NMNAT2: variants seen among roughly 807,000 people sequenced by gnomAD.
NMNAT2 encodes nicotinamide nucleotide adenylyltransferase 2.
A neutral mutation model predicts 41.6 loss-of-function variants in NMNAT2; 11 were observed. That is an observed-to-expected ratio of 0.26 (90% CI 0.17 to 0.44). The LOEUF is 0.44. NMNAT2 is among the 20% of genes least tolerant of loss of function. NMNAT2 has a pLI of 1.00. For synonymous variants in NMNAT2, 148 were observed against 151.2 expected, an observed-to-expected ratio of 0.98 and a Z score of 0.16; for missense variants, 288 against 407.7, an observed-to-expected ratio of 0.71 and a Z score of 2.53.
In NMNAT2 at chr1:183,390,433, C is replaced by T. The variant is rs946695715; in HGVS notation, c.85+27750G>A. ...TTGTCTTCATCAGCACTTTGTTTAACGCCGGGTATGCTATCACCACACATT... is the reference window on the plus strand; with the variant it reads ...TTGTCTTCATCAGCACTTTGTTTAATGCCGGGTATGCTATCACCACACATT... On this transcript the variant is annotated intron_variant, in intron 1 of 10. Coordinates refer to ENST00000287713, the MANE Select transcript of NMNAT2 (RefSeq NM_015039.4). Among the ~76,000 whole-genome samples, 6 of 152,258 alleles carry T rather than the reference C, an allele frequency of 3.9e-5. No homozygotes were observed. The East Asian group carries it at 5.8e-4, about 15-fold the overall frequency.
rs573726616 is a variant in NMNAT2, at chr1:183,317,997, A to T, written c.86-24204T>A. Among the ~76,000 whole-genome samples, 8 of 152,332 alleles carry T rather than the reference A, an allele frequency of 5.3e-5. No individual in the cohort carries two copies. The South Asian group carries it at 1.7e-3, about 32-fold the overall frequency. Reference sequence around the variant, plus strand: ...GACAAACACAATACAGTGTTAAAGGAGCTGTAATAGCCAAAACGTCTGAGT... The same window carrying T: ...GACAAACACAATACAGTGTTAAAGGTGCTGTAATAGCCAAAACGTCTGAGT... On this transcript the variant is annotated intron_variant, in intron 1 of 10. Transcript: ENST00000287713.
At chr1:183,259,911 G>A (rs1660615771) in intron 10 of NMNAT2, among the ~76,000 whole-genome samples, 1 of 152,122 alleles carries the variant, frequency 6.6e-6, no homozygotes, top group South Asian at 2.1e-4. Context: ...TCCACACCTA[G>A]AATTTTAACT....
At chr1:183,291,679 C>G (rs1028410226) in intron 3 of NMNAT2, among the ~76,000 whole-genome samples, 4 of 152,158 alleles carry the variant, frequency 2.6e-5, no homozygotes, top group Admixed American at 6.5e-5. Context: ...TCACTGGACC[C>G]TTATTCAAGG....
intron 1 of NMNAT2, among the ~76,000 whole-genome samples, chr1:183,321,529 G>A (rs1662355973): frequency 6.6e-6 from 1 of 152,042 alleles, no homozygotes; most frequent in Admixed American, 6.5e-5. Flanking sequence ...TCTACTTGAG[G>A]TCAGGAGTTC....
At chr1:183,304,977 T>A in intron 1 of NMNAT2, 1 of 856,834 alleles carries the variant, frequency 1.2e-6, no homozygotes, top group Admixed American at 3.4e-5. Flanking sequence ...CTCCCGCTTG[T>A]AGGAGCCACT....
intron 1 of NMNAT2, among the ~76,000 whole-genome samples, chr1:183,367,768 T>C (rs528272223): frequency 6.6e-6 from 1 of 152,288 alleles, no homozygotes; most frequent in Admixed American, 6.5e-5. Context: ...GCTGTGTACA[T>C]TGAAAATATA....
chr1:183,324,168 A>G (rs1662412045), intron 1 of NMNAT2, among the ~76,000 whole-genome samples: 1 of 152,218 alleles, frequency 6.6e-6, no homozygotes, highest in African/African-American at 2.4e-5. Flanking sequence ...GCATGAATGC[A>G]GCAGAAGATC....
At chr1:183,302,713 T>C (rs541264877) in intron 1 of NMNAT2, among the ~76,000 whole-genome samples, 1 of 152,320 alleles carries the variant, frequency 6.6e-6, no homozygotes, top group East Asian at 1.9e-4. Context: ...ATATCCCCTA[T>C]GCCCCAGAGG....
chr1:183,386,695 A>G (rs1358394481), intron 1 of NMNAT2, among the ~76,000 whole-genome samples: 1 of 152,144 alleles, frequency 6.6e-6, no homozygotes, highest in African/African-American at 2.4e-5. Flanking sequence ...TTCACTTGAC[A>G]TTCTTGTGTC....
At chr1:183,410,684 G>A (rs1176054105) in intron 1 of NMNAT2, among the ~76,000 whole-genome samples, 2 of 151,794 alleles carry the variant, frequency 1.3e-5, no homozygotes. Context: ...GCGCCATGCT[G>A]TTGAGGCTTC....
chr1:183,387,616 C>T (rs1488291830), intron 1 of NMNAT2, among the ~76,000 whole-genome samples: 1 of 152,178 alleles, frequency 6.6e-6, no homozygotes, highest in Non-Finnish European at 1.5e-5. Flanking sequence ...AATGTTGAGG[C>T]AAATCAAACC....
At chr1:183,373,378 C>T (rs1663594476) in intron 1 of NMNAT2, among the ~76,000 whole-genome samples, 1 of 152,216 alleles carries the variant, frequency 6.6e-6, no homozygotes, top group Non-Finnish European at 1.5e-5. Flanking sequence ...ATCCTTCTCC[C>T]TTCTCCTTTC....
chr1:183,261,264 G>C lies in NMNAT2; in HGVS notation c.691C>G (p.Pro231Ala). The C allele has an allele frequency of 6.2e-7, 1 of 1,613,900 alleles. No homozygotes were observed. Among genetic ancestry groups the C allele is most frequent in the Non-Finnish European group, 8.5e-7 (1 of 1,180,028 alleles). Residue 231 changes from proline (P) to alanine (A), a missense_variant, in exon 9 of 11, where the codon CCC becomes GCC. Pro to Ala is a conservative substitution (Grantham distance 27, BLOSUM62 -1). Around this residue, in one of 3 missense-constraint regions of NMNAT2, gnomAD observed 181 missense variants for 213.7 expected, o/e 0.85. Coordinates refer to ENST00000287713, the MANE Select transcript of NMNAT2 (RefSeq NM_015039.4). The stretch of plus-strand genomic sequence containing the variant: ...CGGTCTGTGTCGGCTGCATCCCGGG[G>C]CACCACCACAATCCCAAAGTCACCA... ...IVGDFGIVVV[P>A]RDAADTDRIM...
intron 1 of NMNAT2, among the ~76,000 whole-genome samples, chr1:183,306,506 T>C (rs954787076): frequency 1.3e-5 from 2 of 152,148 alleles, no homozygotes; most frequent in Admixed American, 6.5e-5. Context: ...GGATGCCCAA[T>C]GAACCACTGA....
chr1:183,408,642 T>G (rs1649028422), intron 1 of NMNAT2, among the ~76,000 whole-genome samples: 1 of 151,980 alleles, frequency 6.6e-6, no homozygotes, highest in Non-Finnish European at 1.5e-5. Context: ...AAAAATGGAG[T>G]GATAGGAAAA....
intron 10 of NMNAT2, among the ~76,000 whole-genome samples, chr1:183,255,672 T>C: frequency 6.7e-6 from 1 of 148,578 alleles, no homozygotes; most frequent in African/African-American, 2.6e-5. Context: ...GTTTTTTTTT[T>C]TTTTTTTTTC....
chr1:183,296,184 C>T (rs1661691679), intron 1 of NMNAT2, among the ~76,000 whole-genome samples: 1 of 152,080 alleles, frequency 6.6e-6, no homozygotes, highest in South Asian at 2.1e-4. Context: ...AAATGATAGT[C>T]TATTGTCTGG....
intron 1 of NMNAT2, among the ~76,000 whole-genome samples, chr1:183,341,906 C>T (rs1003318971): frequency 4.0e-5 from 6 of 151,808 alleles, no homozygotes; most frequent in African/African-American, 7.3e-5. Flanking sequence ...CCATTCTTTC[C>T]GATGATTTGC....
chr1:183,252,891 C>G, intron 10 of NMNAT2, 148 bp from the exon 11 acceptor site: 1 of 608,020 alleles, frequency 1.6e-6, no homozygotes. Flanking sequence ...CCTCTTGCCT[C>G]CACAACTCCT....
Sources: gnomAD v4.1 joint callset for allele counts (sites outside exome capture counted in the v4.1 genomes callset) on GRCh38, gnomAD v4.1.1 for gene constraint, gnomAD v4.1.1 regional missense constraint, MANE v1.5 for transcripts, NCBI Gene and HGNC (gene_info 2026-07-23, HGNC 2026-07-21) for gene names.